SYT14: variants seen among roughly 807,000 people sequenced by gnomAD.
SYT14 encodes synaptotagmin-14.
In SYT14, 32 loss-of-function variants were observed where a neutral mutation model predicts 74.2. The observed-to-expected ratio is 0.43, with a 90% CI of 0.33 to 0.58. The LOEUF is 0.58. Among genes scored for constraint, SYT14 ranks in the 20% least tolerant of loss-of-function variants. The pLI, the probability that SYT14 is intolerant of heterozygous loss-of-function variation, is 0.05. For missense variants in SYT14, 791 were observed against 981.8 expected, an observed-to-expected ratio of 0.81 and a Z score of 2.60; for synonymous variants, 298 against 337.7, an observed-to-expected ratio of 0.88 and a Z score of 1.29.
In SYT14 at chr1:209,987,390, T is replaced by G. The variant is rs72649927; in HGVS notation, c.-485-26243T>G. On this transcript the variant is annotated intron_variant, in intron 2 of 9. Transcript: ENST00000637265. The stretch of plus-strand genomic sequence containing the variant: ...GCATGGCGCTGGCATCTGTTCAGCT[T>G]CTGTAGAGGCCTCAGGAAGCTTTTA... 0.015 allele frequency among the ~76,000 whole-genome samples: 2,309 copies of G among 152,320 alleles called. 172 individuals are homozygous for G. In the East Asian group the frequency reaches 0.24, roughly 16 times the overall value.
intron 2 of SYT14, among the ~76,000 whole-genome samples, chr1:209,974,906 T>A (rs1553259951): frequency 6.6e-6 from 1 of 152,184 alleles, no homozygotes; most frequent in Non-Finnish European, 1.5e-5. Flanking sequence ...GGTTTGTAGT[T>A]CTCCTTGAAG....
chr1:210,046,593 A>G (rs12089636), intron 5 of SYT14, among the ~76,000 whole-genome samples: 24,828 of 152,062 alleles, frequency 0.16, 6,452 homozygotes, highest in African/African-American at 0.55. Flanking sequence ...TATTTTGGAC[A>G]TTTTATATAA....
At chr1:210,064,989 A>T (rs2081270783) in intron 5 of SYT14, among the ~76,000 whole-genome samples, 1 of 152,010 alleles carries the variant, frequency 6.6e-6, no homozygotes, top group Non-Finnish European at 1.5e-5. Flanking sequence ...CTAGTATCTC[A>T]TTATGGTTTT....
intron 5 of SYT14, among the ~76,000 whole-genome samples, chr1:210,038,247 T>C (rs921771910): frequency 6.6e-6 from 1 of 152,154 alleles, no homozygotes; most frequent in Non-Finnish European, 1.5e-5. Flanking sequence ...CCTACTCACT[T>C]TTGGCTTCCA....
chr1:210,047,238 C>T (rs1258377777), intron 5 of SYT14, among the ~76,000 whole-genome samples: 4 of 151,850 alleles, frequency 2.6e-5, no homozygotes, highest in African/African-American at 9.7e-5. Flanking sequence ...TTGTCTAGCA[C>T]CTGTCAAAGA....
At chr1:210,059,483 G>GAGAGAGAGAC (rs2081168708) in intron 5 of SYT14, among the ~76,000 whole-genome samples, 1 of 147,654 alleles carries the variant, frequency 6.8e-6, no homozygotes, top group Non-Finnish European at 1.5e-5. Context: ...GAGAGAGAGA[G>GAGAGAGAGAC]AGAGACATGA....
intron 2 of SYT14, among the ~76,000 whole-genome samples, chr1:209,978,642 C>T (rs1332170070): frequency 6.6e-6 from 1 of 152,168 alleles, no homozygotes; most frequent in Non-Finnish European, 1.5e-5. Context: ...AGTAAGGCTA[C>T]CCAGGGGTCA....
intron 4 of SYT14, chr1:210,017,196 T>C (rs2080203215): frequency 1.2e-6 from 1 of 822,850 alleles, no homozygotes; most frequent in Admixed American, 4.3e-5. Flanking sequence ...TTCCTGTTCA[T>C]GTGTCTATAT....
chr1:209,996,812 T>G (rs560489969), intron 2 of SYT14, among the ~76,000 whole-genome samples: 13 of 152,182 alleles, frequency 8.5e-5, no homozygotes, highest in Non-Finnish European at 1.5e-4. Context: ...TGTTCCAACA[T>G]ACATAAATCA....
At chr1:210,098,926 T>A (rs1303068606) in intron 6 of SYT14, among the ~76,000 whole-genome samples, 1 of 152,144 alleles carries the variant, frequency 6.6e-6, no homozygotes, top group Non-Finnish European at 1.5e-5. Context: ...ACTCCTGACC[T>A]CAAGTGATCT....
intron 2 of SYT14, among the ~76,000 whole-genome samples, chr1:209,962,105 T>C (rs2079083676): frequency 6.6e-6 from 1 of 152,096 alleles, no homozygotes. Context: ...TATAATTGTC[T>C]TACTTTTCTT....
intron 5 of SYT14, among the ~76,000 whole-genome samples, chr1:210,088,949 A>G (rs1297477900): frequency 6.6e-6 from 1 of 151,914 alleles, no homozygotes; most frequent in Non-Finnish European, 1.5e-5. Context: ...TTACATAGAT[A>G]TACACGTGCC....
intron 5 of SYT14, among the ~76,000 whole-genome samples, chr1:210,072,274 A>G (rs911564884): frequency 8.6e-5 from 13 of 151,912 alleles, no homozygotes; most frequent in Non-Finnish European, 1.6e-4. Flanking sequence ...ATGGGAGAAT[A>G]CTTGTCACTG....
At chr1:210,058,392 C>A (rs2081139175) in intron 5 of SYT14, among the ~76,000 whole-genome samples, 1 of 152,156 alleles carries the variant, frequency 6.6e-6, no homozygotes, top group African/African-American at 2.4e-5. Context: ...TTTCAGTGGG[C>A]ACTTGAGATT....
At chr1:210,036,967 C>T (rs2080678309) in intron 5 of SYT14, among the ~76,000 whole-genome samples, 1 of 151,806 alleles carries the variant, frequency 6.6e-6, no homozygotes, top group Admixed American at 6.6e-5. Context: ...GGGAGGATTC[C>T]TTTCTTCTTG....
intron 5 of SYT14, among the ~76,000 whole-genome samples, chr1:210,059,645 G>T (rs2081172243): frequency 6.6e-6 from 1 of 151,886 alleles, no homozygotes; most frequent in Admixed American, 6.6e-5. Context: ...GAATTGGCAG[G>T]ATAAAATAAT....
intron 1 of SYT14, among the ~76,000 whole-genome samples, chr1:209,949,701 T>A (rs550181746): frequency 1.4e-4 from 22 of 152,342 alleles, no homozygotes; most frequent in Admixed American, 9.1e-4. Context: ...CTGGAATGTA[T>A]CCTTAGTATT....
intron 8 of SYT14, 141 bp downstream of exon 7, chr1:210,156,051 C>A: frequency 1.2e-6 from 1 of 844,008 alleles, no homozygotes; most frequent in Non-Finnish European, 1.9e-6. Flanking sequence ...TTCATGTTTT[C>A]TATTTCCAGT....
intron 2 of SYT14, among the ~76,000 whole-genome samples, chr1:209,983,175 G>A (rs1044775131): frequency 3.3e-5 from 5 of 151,732 alleles, no homozygotes; most frequent in African/African-American, 1.2e-4. Context: ...ATTGTATTTT[G>A]CAGAGCAGAA....
Sources: gnomAD v4.1 joint callset for allele counts (sites outside exome capture counted in the v4.1 genomes callset) on GRCh38, gnomAD v4.1.1 for gene constraint, MANE v1.5 for transcripts, NCBI Gene and HGNC (gene_info 2026-07-23, HGNC 2026-07-21) for gene names.